Variants in FARP1 observed in about 807,000 individuals in gnomAD.
The protein encoded by FARP1 is FERM, ARH/RhoGEF and pleckstrin domain protein 1.
Under a neutral mutation model 128.8 loss-of-function variants are expected in FARP1, and 52 were observed. That is an observed-to-expected ratio of 0.40 (90% CI 0.32 to 0.51). The LOEUF (loss-of-function observed/expected upper bound fraction) is 0.51, where lower values mean the gene tolerates loss of function less well. Among genes scored for constraint, FARP1 ranks in the 20% least tolerant of loss-of-function variants. FARP1 has a pLI of 0.45. For synonymous variants in FARP1, 580 were observed against 551.8 expected (o/e 1.05, Z -0.72); for missense variants, 1,333 against 1,367.9 (o/e 0.97, Z 0.40).
At chr13:98,375,922 A>T (rs1422582746) in intron 5 of FARP1, among the ~76,000 whole-genome samples, 1 of 152,060 alleles carries the variant, frequency 6.6e-6, no homozygotes, top group Non-Finnish European at 1.5e-5. Context: ...CGGCCCCAAC[A>T]GGTAATTGTA....
At chr13:98,428,031 G>A (rs1265346598) in intron 17 of FARP1, among the ~76,000 whole-genome samples, 1 of 152,070 alleles carries the variant, frequency 6.6e-6, no homozygotes, top group Non-Finnish European at 1.5e-5. Context: ...GAGTGTTCTC[G>A]AGCCTGCAGT....
At chr13:98,251,158 C>T (rs993025777) in intron 2 of FARP1, among the ~76,000 whole-genome samples, 5 of 152,144 alleles carry the variant, frequency 3.3e-5, no homozygotes, top group African/African-American at 1.2e-4. Context: ...TATTGTTGAA[C>T]CATGAAGTTA....
At chr13:98,392,336 A>G (rs1890342015) in intron 11 of FARP1, among the ~76,000 whole-genome samples, 1 of 150,640 alleles carries the variant, frequency 6.6e-6, no homozygotes, top group African/African-American at 2.4e-5. Flanking sequence ...AAAAAAAAAA[A>G]AAAAAAAAAA....
At chr13:98,144,428 A>G (rs1875355444) in intron 1 of FARP1, among the ~76,000 whole-genome samples, 1 of 152,122 alleles carries the variant, frequency 6.6e-6, no homozygotes, top group Non-Finnish European at 1.5e-5. Context: ...ACAGTTTAGC[A>G]GCCTCGGCCT....
intron 2 of FARP1, among the ~76,000 whole-genome samples, chr13:98,255,048 G>C (rs57375079): frequency 0.012 from 1,855 of 152,208 alleles, 37 homozygotes; most frequent in African/African-American, 0.043. Context: ...TGAGAATGTG[G>C]CTTCATTTGA....
At position 98,390,083 on chromosome 13, in the gene FARP1, C is replaced by A. The variant is rs1374117100; in HGVS notation, c.982C>A (p.Pro328Thr). 4 of 1,614,086 alleles carry A rather than the reference C, an allele frequency of 2.5e-6. No individual in the cohort carries two copies. Among genetic ancestry groups the A allele is most frequent in the Admixed American group, 3.3e-5 (2 of 60,006 alleles). Residue 328 changes from proline (P) to threonine (T), a missense_variant, in exon 10 of 27, where the codon CCC (proline) becomes ACC (threonine). Physicochemically the swap from Pro to Thr is conservative, Grantham distance 38. Transcript: ENST00000319562. ...TGAAGAGCCCAAACCAAAGCCCAAG[C>A]CCGTCCTCTTTAGCCGGGGGTCATC... ...LFEEPKPKPK[P>T]VLFSRGSSFR...
chr13:98,346,839 G>A (rs571144930), intron 3 of FARP1, among the ~76,000 whole-genome samples: 29 of 152,286 alleles, frequency 1.9e-4, no homozygotes, highest in Admixed American at 9.8e-4. Context: ...CAGGGTCTTG[G>A]GTGTGTTCTC....
intron 19 of FARP1, among the ~76,000 whole-genome samples, chr13:98,437,359 C>G (rs1427375580): frequency 6.6e-6 from 1 of 152,148 alleles, no homozygotes; most frequent in Non-Finnish European, 1.5e-5. Context: ...CGCAGGTGAT[C>G]AGTGATTATC....
Position 98,287,800 on chromosome 13 carries a change from C to CTTT in FARP1, c.172-55944_172-55942dup, listed in dbSNP as rs35204639. Among the ~76,000 whole-genome samples the CTTT allele has an allele frequency of 4.3e-4, 50 of 116,672 alleles. 1 individual carries two copies. The East Asian group carries it at 5.1e-3, about 12-fold the overall frequency. The allele number at this position is 116,672 out of a possible 152,430, so 76.5% of individuals were successfully genotyped here. A position where few individuals can be genotyped will look rare whatever the true frequency, so the allele number is the denominator to read the frequency against. On this transcript the variant is annotated intron_variant, in intron 2 of 26. Transcript: ENST00000319562. ...TGGTTATGCCATGTCCCAGGCACTT[C>CTTT]TTTTTTTTTTTTTTTTTTTTGAGAC...
intron 2 of FARP1, among the ~76,000 whole-genome samples, chr13:98,332,105 C>T (rs1887534578): frequency 6.6e-6 from 1 of 151,942 alleles, no homozygotes; most frequent in South Asian, 2.1e-4. Context: ...CCATTTTAAC[C>T]ATTCTAAGTG....
In FARP1 at chr13:98,361,902, G is replaced by A. The variant is rs180857653; in HGVS notation, c.277-3493G>A. Among the ~76,000 whole-genome samples, 6 of 152,256 alleles carry A rather than the reference G, an allele frequency of 3.9e-5. No homozygotes were observed. The East Asian group carries it at 1.2e-3, about 29-fold the overall frequency. Reference sequence around the variant, plus strand: ...TCATCTCAGGTCTCTTTGGATATCGGTCATCGCCTCTTGCCCCTATTTTTA... The same window carrying A: ...TCATCTCAGGTCTCTTTGGATATCGATCATCGCCTCTTGCCCCTATTTTTA... On this transcript the variant is annotated intron_variant, in intron 3 of 26. Coordinates refer to ENST00000319562, the MANE Select transcript of FARP1 (RefSeq NM_005766.4).
At chr13:98,215,267 C>A (rs1345864822) in intron 2 of FARP1, among the ~76,000 whole-genome samples, 1 of 152,188 alleles carries the variant, frequency 6.6e-6, no homozygotes, top group Non-Finnish European at 1.5e-5. Context: ...AGCCCTTTGT[C>A]TGGAAGGAAC....
chr13:98,379,619 A>G (rs747584090), intron 6 of FARP1, among the ~76,000 whole-genome samples: 17 of 152,170 alleles, frequency 1.1e-4, no homozygotes, highest in Non-Finnish European at 1.5e-4. Flanking sequence ...TCCCAAGGAC[A>G]CCAAAAACTG....
chr13:98,391,366 C>A (rs2140058789), intron 11 of FARP1, among the ~76,000 whole-genome samples: 1 of 152,254 alleles, frequency 6.6e-6, no homozygotes, highest in Admixed American at 6.5e-5. Flanking sequence ...GCAGCCTCAG[C>A]CTCTGGGACT....
chr13:98,284,138 A>C (rs1384982256), intron 2 of FARP1, among the ~76,000 whole-genome samples: 2 of 152,144 alleles, frequency 1.3e-5, no homozygotes, highest in Non-Finnish European at 2.9e-5. Flanking sequence ...GAGGCCCAAC[A>C]CAAGTTTGTA....
intron 1 of FARP1, among the ~76,000 whole-genome samples, chr13:98,160,462 A>T (rs1025311368): frequency 6.6e-6 from 1 of 152,216 alleles, no homozygotes; most frequent in African/African-American, 2.4e-5. Flanking sequence ...CTTTAAAAAA[A>T]ATTTAAAAAT....
intron 2 of FARP1, chr13:98,245,321 C>T (rs753977242): frequency 6.1e-6 from 6 of 985,308 alleles, no homozygotes; most frequent in South Asian, 4.7e-5. Flanking sequence ...TTTGTCTTAC[C>T]AGCTTATTGA....
At chr13:98,301,661 T>C (rs1885930694) in intron 2 of FARP1, among the ~76,000 whole-genome samples, 1 of 152,124 alleles carries the variant, frequency 6.6e-6, no homozygotes, top group Non-Finnish European at 1.5e-5. Flanking sequence ...AAAGAAGAGG[T>C]GTTTTGATCG....
intron 2 of FARP1, among the ~76,000 whole-genome samples, chr13:98,339,782 A>G (rs1422898232): frequency 6.6e-6 from 1 of 152,212 alleles, no homozygotes; most frequent in Non-Finnish European, 1.5e-5. Context: ...AGTTTTAAGG[A>G]TCGACTTGTG....
Sources: allele counts gnomAD v4.1 joint callset (sites outside exome capture counted in the v4.1 genomes callset), GRCh38; gene constraint gnomAD v4.1.1; transcripts MANE v1.5; gene names NCBI Gene and HGNC (gene_info 2026-07-23, HGNC 2026-07-21).